Variants in CACNA1E observed in about 807,000 individuals in gnomAD.
CACNA1E encodes voltage-dependent R-type calcium channel subunit alpha-1E.
CACNA1E carries 40 observed loss-of-function variants against 259.2 expected under a neutral mutation model. That is an observed-to-expected ratio of 0.15 (90% CI 0.12 to 0.20). The LOEUF (loss-of-function observed/expected upper bound fraction) is 0.20. Among genes scored for constraint, CACNA1E ranks in the 10% least tolerant of loss-of-function variants. CACNA1E has a pLI of 1.00. For missense variants in CACNA1E, 1,874 were observed against 3,040.1 expected (o/e 0.62, Z 9.02); for synonymous variants, 1,104 against 1,138.5 (o/e 0.97, Z 0.61).
intron 1 of CACNA1E, among the ~76,000 whole-genome samples, chr1:181,379,670 T>C (rs970733768): frequency 6.6e-6 from 1 of 152,132 alleles, no homozygotes; most frequent in African/African-American, 2.4e-5. Flanking sequence ...ATCTCTTTTA[T>C]AAGAGGGCTA....
At chr1:181,572,986 C>T (rs1337754645) in intron 3 of CACNA1E, among the ~76,000 whole-genome samples, 2 of 152,140 alleles carry the variant, frequency 1.3e-5, no homozygotes, top group African/African-American at 2.4e-5. Context: ...GACTAAGGAA[C>T]AGTGGACCCT....
chr1:181,575,473 T>A (rs1304942258), intron 3 of CACNA1E, among the ~76,000 whole-genome samples: 1 of 152,220 alleles, frequency 6.6e-6, no homozygotes, highest in Non-Finnish European at 1.5e-5. Flanking sequence ...TTTATATCCC[T>A]ACATTTTCTT....
chr1:181,627,040 C>T (rs1216007200), intron 6 of CACNA1E, among the ~76,000 whole-genome samples: 6 of 151,984 alleles, frequency 3.9e-5, no homozygotes, highest in East Asian at 1.9e-4. Context: ...TTTGTTTTCC[C>T]GTTTATGCTT....
chr1:181,691,776 T>A (rs968833909), intron 7 of CACNA1E, among the ~76,000 whole-genome samples: 6 of 152,104 alleles, frequency 3.9e-5, no homozygotes, highest in Non-Finnish European at 7.4e-5. Flanking sequence ...GGATGCCCAC[T>A]CTCACCACTT....
intron 7 of CACNA1E, among the ~76,000 whole-genome samples, chr1:181,675,521 T>G (rs1649282037): frequency 6.6e-6 from 1 of 152,072 alleles, no homozygotes; most frequent in African/African-American, 2.4e-5. Flanking sequence ...GGAGAGTTCA[T>G]GGAGGAGAGA....
rs61444779 is a variant in CACNA1E at position 181,487,735 on chromosome 1, GC to G, written c.266+3727del. On this transcript the variant is annotated intron_variant, in intron 1 of 47. Coordinates refer to ENST00000367573, the MANE Select transcript of CACNA1E (RefSeq NM_001205293.3). ...ATGCCCAGGGCCAGTTACCCTGTGG[GC>G]CATACAGCATCTCTCATGTGGTTTG... 1.8e-3 allele frequency among the ~76,000 whole-genome samples: 272 copies of G among 152,274 alleles called. 2 individuals are homozygous for G. Among genetic ancestry groups the G allele is most frequent in the African/African-American group, 6.3e-3 (261 of 41,540 alleles).
At chr1:181,788,592 G>C (rs1661040149) in intron 43 of CACNA1E, among the ~76,000 whole-genome samples, 1 of 152,170 alleles carries the variant, frequency 6.6e-6, no homozygotes, top group Non-Finnish European at 1.5e-5. Context: ...AACAAGCCTA[G>C]CCTATCCAAT....
chr1:181,601,839 G>T (rs1284736073), intron 6 of CACNA1E, among the ~76,000 whole-genome samples: 1 of 152,168 alleles, frequency 6.6e-6, no homozygotes, highest in Non-Finnish European at 1.5e-5. Flanking sequence ...CAGAGCCCTT[G>T]CAAGGGTCTA....
At chr1:181,639,310 G>A (rs903843297) in intron 6 of CACNA1E, among the ~76,000 whole-genome samples, 5 of 152,120 alleles carry the variant, frequency 3.3e-5, no homozygotes, top group East Asian at 3.9e-4. Context: ...GGATGGTCTC[G>A]ATCTCCTGAC....
chr1:181,422,849 G>A (rs181978947), intron 2 of CACNA1E, among the ~76,000 whole-genome samples: 4 of 152,118 alleles, frequency 2.6e-5, no homozygotes, highest in South Asian at 2.1e-4. Context: ...CTTGTCTACC[G>A]AGAAAGTGTA....
rs1348449948 is a variant in CACNA1E, at chr1:181,799,815, C to G, written c.*981C>G. On this transcript the variant is annotated 3_prime_UTR_variant, in exon 48 of 48. Transcript: ENST00000367573. ...GGCCACCTAAGAGATTAAAAACAGT[C>G]TGTTTTCCAACCAGTGTGGAAGCAA... 7.5e-6 allele frequency: 1 copy of G among 133,796 alleles called. No homozygotes were observed. Among genetic ancestry groups the G allele is most frequent in the Non-Finnish European group, 1.6e-5 (1 of 61,724 alleles). The allele number at this position is 133,796 out of a possible 1,614,324, so 8.3% of individuals were successfully genotyped here.
intron 7 of CACNA1E, among the ~76,000 whole-genome samples, chr1:181,685,285 T>C (rs964312448): frequency 6.6e-6 from 1 of 151,248 alleles, no homozygotes; most frequent in Admixed American, 6.6e-5. Context: ...TTTTTATATG[T>C]GTTATTTCAT....
At chr1:181,372,357 C>T (rs1654764934) in intron 1 of CACNA1E, among the ~76,000 whole-genome samples, 1 of 151,966 alleles carries the variant, frequency 6.6e-6, no homozygotes, top group African/African-American at 2.4e-5. Flanking sequence ...CTTTTTGTGG[C>T]TATTGTGAGT....
intron 2 of CACNA1E, among the ~76,000 whole-genome samples, chr1:181,471,027 T>C (rs1381121572): frequency 6.6e-6 from 1 of 152,218 alleles, no homozygotes; most frequent in Non-Finnish European, 1.5e-5. Flanking sequence ...GCAGGTTAAA[T>C]GTCTGTCGAG....
At chr1:181,563,906 G>A (rs1313364596) in intron 3 of CACNA1E, among the ~76,000 whole-genome samples, 2 of 152,156 alleles carry the variant, frequency 1.3e-5, no homozygotes, top group African/African-American at 2.4e-5. Flanking sequence ...ACACTATAGT[G>A]TAACTTATAC....
intron 1 of CACNA1E, among the ~76,000 whole-genome samples, chr1:181,322,162 G>A (rs745321472): frequency 6.6e-6 from 1 of 152,184 alleles, no homozygotes. Flanking sequence ...TCAGGGATGA[G>A]TAGATGAGAT....
intron 6 of CACNA1E, among the ~76,000 whole-genome samples, chr1:181,612,935 G>A (rs1314057546): frequency 6.6e-6 from 1 of 152,208 alleles, no homozygotes; most frequent in Admixed American, 6.5e-5. Flanking sequence ...TGTGTTGTGA[G>A]CAGGAGTTAA....
chr1:181,736,550 C>G (rs1656051663), intron 22 of CACNA1E, 116 bp downstream of exon 22: 1 of 957,338 alleles, frequency 1.0e-6, no homozygotes, highest in African/African-American at 1.7e-5. Context: ...TTAAGCCTTC[C>G]TGGTGGAGCA....
chr1:181,591,549 T>G (rs1452926526), intron 6 of CACNA1E, among the ~76,000 whole-genome samples: 1 of 152,022 alleles, frequency 6.6e-6, no homozygotes, highest in Non-Finnish European at 1.5e-5. Flanking sequence ...ATAAATGTTC[T>G]TTATTATGAA....
Sources: gnomAD v4.1 joint callset for allele counts (sites outside exome capture counted in the v4.1 genomes callset) on GRCh38, gnomAD v4.1.1 for gene constraint, MANE v1.5 for transcripts, NCBI Gene and HGNC (gene_info 2026-07-23, HGNC 2026-07-21) for gene names.